The following RGS7 variants were observed in gnomAD, a reference collection of about 807,000 sequenced individuals.
The protein encoded by RGS7 is regulator of G-protein signaling 7.
RGS7 carries 27 observed loss-of-function variants against 81.1 expected under a neutral mutation model. That is an observed-to-expected ratio of 0.33 (90% CI 0.25 to 0.46). The LOEUF (loss-of-function observed/expected upper bound fraction) is 0.46, where lower values mean the gene tolerates loss of function less well. RGS7 is among the 20% of genes least tolerant of loss of function. The pLI, the probability that RGS7 is intolerant of heterozygous loss-of-function variation, is 1.00. For missense variants in RGS7, 396 were observed against 607.4 expected (o/e 0.65, Z 3.66); for synonymous variants, 208 against 207.7 (o/e 1.00, Z -0.01).
At chr1:241,247,040 G>A (rs1007010577) in intron 2 of RGS7, among the ~76,000 whole-genome samples, 4 of 151,978 alleles carry the variant, frequency 2.6e-5, no homozygotes, top group African/African-American at 9.7e-5. Context: ...ATTCAAGCAG[G>A]AGGGAGGCTG....
At chr1:240,967,572 G>T (rs566443350) in intron 4 of RGS7, among the ~76,000 whole-genome samples, 1 of 131,250 alleles carries the variant, frequency 7.6e-6, no homozygotes, top group East Asian at 2.2e-4. Flanking sequence ...AAGAAGTGGG[G>T]GGGGGGGGGA....
chr1:240,824,680 G>A (rs1265327891), intron 10 of RGS7, among the ~76,000 whole-genome samples: 1 of 152,204 alleles, frequency 6.6e-6, no homozygotes, highest in Non-Finnish European at 1.5e-5. Flanking sequence ...TTTGTCATAT[G>A]TCATGGACGG....
chr1:240,811,549 T>C (rs1024670314), intron 14 of RGS7, among the ~76,000 whole-genome samples: 2 of 152,222 alleles, frequency 1.3e-5, no homozygotes, highest in Non-Finnish European at 2.9e-5. Context: ...TACGCAAAGA[T>C]AGTCAACAAT....
intron 3 of RGS7, among the ~76,000 whole-genome samples, chr1:241,087,964 CTCTCTCTCTCTCTATATA>C (rs1183754880): frequency 2.3e-5 from 2 of 85,820 alleles, no homozygotes; most frequent in Admixed American, 2.5e-4. Flanking sequence ...CTCTCTCTCT[CTCTCTCTCTCTCTATATA>C]TATATATATA....
chr1:241,256,824 CAT>C (rs1193939093), intron 2 of RGS7, among the ~76,000 whole-genome samples: 1 of 151,984 alleles, frequency 6.6e-6, no homozygotes. Context: ...CATTTTAACA[CAT>C]GAGTTTTGGG....
At chr1:240,838,467 G>A (rs371929217) in intron 9 of RGS7, among the ~76,000 whole-genome samples, 87 of 152,172 alleles carry the variant, frequency 5.7e-4, no homozygotes, top group African/African-American at 1.8e-3. Flanking sequence ...CACATACCTC[G>A]GTTTAGCAAA....
At chr1:241,132,741 ATTTGTTTGTTTG>A (rs751782828) in intron 2 of RGS7, among the ~76,000 whole-genome samples, 48 of 151,100 alleles carry the variant, frequency 3.2e-4, no homozygotes, top group African/African-American at 1.0e-3. Context: ...TCAACTTATT[ATTTGTTTGTTTG>A]TTTGTTTGTT....
chr1:241,083,412 G>A (rs1352937631), intron 3 of RGS7, among the ~76,000 whole-genome samples: 7 of 152,046 alleles, frequency 4.6e-5, no homozygotes, highest in South Asian at 4.2e-4. Context: ...CAACCATTAG[G>A]GGAATATAGA....
At chr1:240,941,283 T>G (rs1189174886) in intron 4 of RGS7, among the ~76,000 whole-genome samples, 1 of 152,250 alleles carries the variant, frequency 6.6e-6, no homozygotes, top group Non-Finnish European at 1.5e-5. Context: ...TTAAGATTTT[T>G]GGTCAAATAG....
At position 240,957,648 on chromosome 1, in the gene RGS7, G is replaced by A. The variant is rs375832811; in HGVS notation, c.227-20942C>T. ...TTGACTTCAGTTAATATTAATGTAT[G>A]TTAACTTCTTTAATATTAACTGACT... On this transcript the variant is annotated intron_variant, in intron 4 of 18. Transcript: ENST00000440928. 2.7e-4 allele frequency among the ~76,000 whole-genome samples: 41 copies of A among 152,322 alleles called. No individual in the cohort carries two copies. In the East Asian group the frequency reaches 5.8e-3, roughly 22 times the overall value.
intron 6 of RGS7, among the ~76,000 whole-genome samples, chr1:240,875,038 A>G (rs187784): frequency 0.36 from 55,209 of 151,854 alleles, 10,945 homozygotes; most frequent in African/African-American, 0.52. Context: ...GCGAAACTCC[A>G]TCTCAAAACA....
chr1:241,282,053 T>C (rs2078544030), intron 2 of RGS7, among the ~76,000 whole-genome samples: 1 of 152,222 alleles, frequency 6.6e-6, no homozygotes, highest in Non-Finnish European at 1.5e-5. Flanking sequence ...CGATAAATTA[T>C]GTGTGCTGAG....
At chr1:241,175,697 G>A (rs2071082487) in intron 2 of RGS7, among the ~76,000 whole-genome samples, 1 of 152,142 alleles carries the variant, frequency 6.6e-6, no homozygotes, top group South Asian at 2.1e-4. Context: ...GCAGGGAGAG[G>A]GGCTTCAGCT....
At chr1:240,908,204 G>T (rs1671153634) in intron 6 of RGS7, among the ~76,000 whole-genome samples, 2 of 127,078 alleles carry the variant, frequency 1.6e-5, no homozygotes, top group South Asian at 3.3e-4. Context: ...GTCGTGGGGT[G>T]GGGGGAGGGG....
intron 2 of RGS7, among the ~76,000 whole-genome samples, chr1:241,338,974 G>A (rs184004706): frequency 4.0e-5 from 6 of 151,860 alleles, no homozygotes; most frequent in African/African-American, 9.7e-5. Context: ...GTGGTTTGCC[G>A]CACCTATCAA....
chr1:240,969,210 A>C (rs189265596), intron 4 of RGS7, among the ~76,000 whole-genome samples: 141 of 151,846 alleles, frequency 9.3e-4, no homozygotes, highest in African/African-American at 3.2e-3. Context: ...CTTTTTAAGG[A>C]AAGTTGCTTA....
At chr1:240,780,534 C>CT (rs1362592320) in intron 18 of RGS7, among the ~76,000 whole-genome samples, 2 of 149,346 alleles carry the variant, frequency 1.3e-5, no homozygotes, top group African/African-American at 4.9e-5. Context: ...GGAATGAATT[C>CT]TTATATAGTA....
chr1:241,024,911 T>C (rs1356534151), intron 3 of RGS7, among the ~76,000 whole-genome samples: 3 of 152,228 alleles, frequency 2.0e-5, no homozygotes, highest in Non-Finnish European at 4.4e-5. Context: ...AATTAAAATG[T>C]TAATTTCTAT....
intron 9 of RGS7, among the ~76,000 whole-genome samples, chr1:240,842,198 A>AGTTTTTTT (rs1658147614): frequency 2.7e-5 from 1 of 36,642 alleles, no homozygotes; most frequent in Non-Finnish European, 5.7e-5. Flanking sequence ...GTTTGTCAGG[A>AGTTTTTTT]ATTTTTTTTT....
Sources: allele counts gnomAD v4.1 joint callset (sites outside exome capture counted in the v4.1 genomes callset), GRCh38; gene constraint gnomAD v4.1.1; transcripts MANE v1.5; gene names NCBI Gene and HGNC (gene_info 2026-07-23, HGNC 2026-07-21).